HCRTR2: variants seen among roughly 807,000 people sequenced by gnomAD.
HCRTR2 encodes the protein orexin receptor type 2.
In HCRTR2, 22 loss-of-function variants were observed where a neutral mutation model predicts 49.0. The ratio of observed to expected loss-of-function variants is 0.45; its 90% confidence interval spans 0.32 to 0.64. HCRTR2 has a LOEUF of 0.64. Among genes scored for constraint, HCRTR2 ranks in the 30% least tolerant of loss-of-function variants. The probability of loss-of-function intolerance (pLI) is 0.04; values close to 1 mark genes in which losing one functional copy is unlikely to be tolerated. For missense variants in HCRTR2, 491 were observed against 559.4 expected (o/e 0.88, Z 1.23); for synonymous variants, 236 against 205.3 (o/e 1.15, Z -1.28).
At chr6:55,229,101 T>C (rs1028705635) in intron 1 of HCRTR2, among the ~76,000 whole-genome samples, 3 of 152,160 alleles carry the variant, frequency 2.0e-5, no homozygotes, top group African/African-American at 7.2e-5. Context: ...ATAACAAACA[T>C]TAGCAAAACC....
chr6:55,201,176 G>T (rs1765507301), intron 1 of HCRTR2, among the ~76,000 whole-genome samples: 1 of 152,044 alleles, frequency 6.6e-6, no homozygotes, highest in African/African-American at 2.4e-5. Context: ...TGGATTAAGT[G>T]TAGGCAGGGA....
chr6:55,261,132 T>C (rs1766747339), intron 3 of HCRTR2, among the ~76,000 whole-genome samples: 1 of 152,198 alleles, frequency 6.6e-6, no homozygotes, highest in East Asian at 1.9e-4. Context: ...GCAAGATATA[T>C]TGCTTCCTCT....
intron 1 of HCRTR2, among the ~76,000 whole-genome samples, chr6:55,162,626 C>A (rs1306966514): frequency 6.6e-6 from 1 of 152,182 alleles, no homozygotes; most frequent in Non-Finnish European, 1.5e-5. Flanking sequence ...AGCTGATAAG[C>A]AACTTCAGCA....
intron 1 of HCRTR2, among the ~76,000 whole-genome samples, chr6:55,144,035 C>G (rs960433596): frequency 6.7e-6 from 1 of 150,356 alleles, no homozygotes; most frequent in African/African-American, 2.5e-5. Context: ...AGCTTGATAG[C>G]GATGCATTTC....
intron 1 of HCRTR2, among the ~76,000 whole-genome samples, chr6:55,236,595 T>C (rs1265227104): frequency 6.6e-6 from 1 of 152,128 alleles, no homozygotes; most frequent in Non-Finnish European, 1.5e-5. Context: ...CACTTACTCC[T>C]GATCACTGAG....
chr6:55,246,063 T>G (rs1371651646), intron 1 of HCRTR2, among the ~76,000 whole-genome samples: 6 of 151,954 alleles, frequency 3.9e-5, no homozygotes, highest in African/African-American at 1.4e-4. Context: ...AAATTGGAGT[T>G]ATACTGCACA....
chr6:55,250,081 T>C (rs1434428093), intron 2 of HCRTR2, among the ~76,000 whole-genome samples: 1 of 152,092 alleles, frequency 6.6e-6, no homozygotes, highest in Non-Finnish European at 1.5e-5. Flanking sequence ...TAAAAAGAAG[T>C]GAAAAATTTT....
chr6:55,107,425 T>G (rs1763988755), intron 1 of HCRTR2, among the ~76,000 whole-genome samples: 1 of 152,106 alleles, frequency 6.6e-6, no homozygotes, highest in African/African-American at 2.4e-5. Flanking sequence ...TCTTTATTTT[T>G]ATCTCTGTCT....
Position 55,255,145 on chromosome 6 carries a change from G to A in HCRTR2, c.412G>A (p.Val138Met). The stretch of plus-strand genomic sequence containing the variant: ...TCTTTCTTTTCTCTAGACCGTGTCG[G>A]TGTCTGTGTCTGTCCTCACACTGAG... The part of the protein sequence containing the change: ...KVIPYLQTVS[V>M]SVSVLTLSCI... The change falls in exon 3 of 7, where the codon GTG becomes ATG. Residue 138 changes from valine (V) to methionine (M), a missense_variant. Val to Met is a conservative substitution (Grantham distance 21, BLOSUM62 1). Coordinates refer to ENST00000370862, the MANE Select transcript of HCRTR2 (RefSeq NM_001384272.1). 1 of 1,613,786 alleles carries A rather than the reference G, an allele frequency of 6.2e-7. No individual in the cohort carries two copies. The highest frequency in any genetic ancestry group is 8.5e-7 in the Non-Finnish European group (1 of 1,179,858).
chr6:55,163,914 C>T (rs1182183068), intron 1 of HCRTR2, among the ~76,000 whole-genome samples: 1 of 152,094 alleles, frequency 6.6e-6, no homozygotes, highest in Admixed American at 6.6e-5. Context: ...CTACAATGAA[C>T]TCCAACAAAT....
intron 1 of HCRTR2, among the ~76,000 whole-genome samples, chr6:55,216,158 A>T (rs537429368): frequency 6.6e-6 from 1 of 152,316 alleles, no homozygotes; most frequent in African/African-American, 2.4e-5. Context: ...CCATGTGGGG[A>T]AAGCCCTCAT....
intron 1 of HCRTR2, among the ~76,000 whole-genome samples, chr6:55,183,778 G>A (rs933946449): frequency 1.3e-5 from 2 of 151,942 alleles, no homozygotes; most frequent in Non-Finnish European, 2.9e-5. Context: ...GGCTTTCTAC[G>A]TGCTGCATAC....
intron 1 of HCRTR2, among the ~76,000 whole-genome samples, chr6:55,167,479 A>C (rs529822754): frequency 6.6e-6 from 1 of 152,216 alleles, no homozygotes; most frequent in East Asian, 1.9e-4. Flanking sequence ...TGCTCACCTA[A>C]AAGTAAATTT....
chr6:55,261,395 C>CT (rs977263768), intron 3 of HCRTR2, among the ~76,000 whole-genome samples: 21 of 149,304 alleles, frequency 1.4e-4, no homozygotes, highest in Non-Finnish European at 2.8e-4. Flanking sequence ...TGCAATACCA[C>CT]TTTTTTTTTT....
intron 1 of HCRTR2, among the ~76,000 whole-genome samples, chr6:55,226,322 CTTTT>C (rs1766003472): frequency 6.6e-6 from 1 of 151,610 alleles, no homozygotes; most frequent in Admixed American, 6.6e-5. Context: ...AATTTTTTTT[CTTTT>C]GAGACAAAGT....
intron 1 of HCRTR2, among the ~76,000 whole-genome samples, chr6:55,205,746 G>T (rs1438973585): frequency 6.6e-6 from 1 of 151,990 alleles, no homozygotes; most frequent in African/African-American, 2.4e-5. Flanking sequence ...TTTTTGATTG[G>T]TTAGTGTGTT....
At chr6:55,200,400 G>A (rs928961426) in intron 1 of HCRTR2, among the ~76,000 whole-genome samples, 1 of 151,948 alleles carries the variant, frequency 6.6e-6, no homozygotes, top group African/African-American at 2.4e-5. Context: ...GAGCAACTGG[G>A]AGTACAGGCG....
chr6:55,189,643 GACTAT>G (rs1276748319), intron 1 of HCRTR2, among the ~76,000 whole-genome samples: 1 of 152,140 alleles, frequency 6.6e-6, no homozygotes, highest in Non-Finnish European at 1.5e-5. Flanking sequence ...CTGTTGTCGG[GACTAT>G]GGGAGGGAGA....
At chr6:55,207,396 T>A (rs1765620009) in intron 1 of HCRTR2, among the ~76,000 whole-genome samples, 1 of 152,146 alleles carries the variant, frequency 6.6e-6, no homozygotes. Context: ...GGACTTGCAT[T>A]TTCATGAACT....
Sources: allele counts gnomAD v4.1 joint callset (sites outside exome capture counted in the v4.1 genomes callset), GRCh38; gene constraint gnomAD v4.1.1; transcripts MANE v1.5; gene names NCBI Gene and HGNC (gene_info 2026-07-23, HGNC 2026-07-21).